TULP4: variants seen among roughly 807,000 people sequenced by gnomAD.
The protein encoded by TULP4 is TUB like protein 4.
A neutral mutation model predicts 129.0 loss-of-function variants in TULP4; 16 were observed. That is an observed-to-expected ratio of 0.12 (90% CI 0.08 to 0.19). The LOEUF (loss-of-function observed/expected upper bound fraction) is 0.19. Among genes scored for constraint, TULP4 ranks in the 10% least tolerant of loss-of-function variants. The pLI, the probability that TULP4 is intolerant of heterozygous loss-of-function variation, is 1.00. For synonymous variants in TULP4, 998 were observed against 854.0 expected (o/e 1.17, Z -2.94); for missense variants, 1,842 against 2,059.1 (o/e 0.89, Z 2.04).
intron 1 of TULP4, among the ~76,000 whole-genome samples, chr6:158,288,870 T>G (rs1247837258): frequency 6.6e-6 from 1 of 152,240 alleles, no homozygotes; most frequent in Non-Finnish European, 1.5e-5. Flanking sequence ...TTTACTCTTT[T>G]AGTATGATGA....
chr6:158,506,713 G>GA lies in TULP4; in HGVS notation c.*20dup, dbSNP rs1780612356. 1 of 1,523,558 alleles carries GA rather than the reference G, an allele frequency of 6.6e-7. No individual in the cohort carries two copies. The highest frequency in any genetic ancestry group is 1.4e-5 in the African/African-American group (1 of 73,174). 94.4% of individuals were successfully genotyped at this position (1,523,558 alleles called of 1,614,324 possible). On this transcript the variant is annotated 3_prime_UTR_variant, in exon 14 of 14. Transcript: ENST00000367097. ...CAAATGAAGAGACTGGTGTGGGGAG[G>GA]AGAGAGATGCAGAGAGCCTTTGGAA...
chr6:158,353,283 G>T (rs1159317076), intron 1 of TULP4, among the ~76,000 whole-genome samples: 1 of 152,186 alleles, frequency 6.6e-6, no homozygotes, highest in Non-Finnish European at 1.5e-5. Context: ...TAGTATTCCA[G>T]ATAGAATCCT....
chr6:158,495,306 A>G (rs1215073818), intron 11 of TULP4, among the ~76,000 whole-genome samples: 6 of 151,914 alleles, frequency 3.9e-5, no homozygotes, highest in African/African-American at 1.2e-4. Flanking sequence ...GCCCACCTCA[A>G]CCTTCCAAAG....
Position 158,449,062 on chromosome 6 carries a change from G to T in TULP4, c.610G>T (p.Val204Phe), listed in dbSNP as rs34360218. Residue 204 changes from valine (V) to phenylalanine (F), a missense_variant, in exon 4 of 14, where the codon GTC (valine) becomes TTC (phenylalanine). Transcript: ENST00000367097. ...TTGCCACGGCAGAATGCTGGCCCACGTCCTCTTGCACGAGTCAGACGGTGT... is the reference window on the plus strand; with the variant it reads ...TTGCCACGGCAGAATGCTGGCCCACTTCCTCTTGCACGAGTCAGACGGTGT... ...MDCHGRMLAH[V>F]LLHESDGVLG... 1 of 1,613,966 alleles carries T rather than the reference G, an allele frequency of 6.2e-7. No homozygotes were observed. The highest frequency in any genetic ancestry group is 8.5e-7 in the Non-Finnish European group (1 of 1,179,904).
intron 5 of TULP4, among the ~76,000 whole-genome samples, chr6:158,454,402 A>G (rs1312622164): frequency 6.6e-6 from 1 of 152,094 alleles, no homozygotes; most frequent in Non-Finnish European, 1.5e-5. Context: ...AAGTTTATTA[A>G]TTTTTTGAGA....
At chr6:158,377,781 AC>A (rs1477663156) in intron 1 of TULP4, among the ~76,000 whole-genome samples, 1 of 152,156 alleles carries the variant, frequency 6.6e-6, no homozygotes, top group African/African-American at 2.4e-5. Flanking sequence ...AGACTCAAGT[AC>A]TAGGAATATA....
chr6:158,303,885 C>G (rs1779170224), intron 1 of TULP4, among the ~76,000 whole-genome samples: 1 of 152,186 alleles, frequency 6.6e-6, no homozygotes, highest in African/African-American at 2.4e-5. Flanking sequence ...AATTTATCTC[C>G]AGTCTCTAAC....
At chr6:158,233,300 C>T (rs1216374204) in intron 1 of TULP4, among the ~76,000 whole-genome samples, 1 of 152,250 alleles carries the variant, frequency 6.6e-6, no homozygotes, top group Non-Finnish European at 1.5e-5. Flanking sequence ...GTCTCCCCCA[C>T]GCCCTTTTGT....
chr6:158,405,200 G>A (rs905593736), intron 1 of TULP4, among the ~76,000 whole-genome samples: 1 of 152,228 alleles, frequency 6.6e-6, no homozygotes, highest in Non-Finnish European at 1.5e-5. Flanking sequence ...AGACGTATGA[G>A]AAGATGGAAG....
chr6:158,301,131 A>G (rs1359022998), intron 1 of TULP4, among the ~76,000 whole-genome samples: 1 of 152,250 alleles, frequency 6.6e-6, no homozygotes, highest in Non-Finnish European at 1.5e-5. Flanking sequence ...AGCGGTTTCT[A>G]TATTTTTAGT....
chr6:158,408,653 G>A (rs561043244), intron 1 of TULP4, among the ~76,000 whole-genome samples: 5 of 152,138 alleles, frequency 3.3e-5, no homozygotes, highest in Non-Finnish European at 7.3e-5. Context: ...AGTGAATGAC[G>A]AGGCCCGGAG....
At chr6:158,310,038 A>C (rs912495014), upstream of TULP4, among the ~76,000 whole-genome samples, 1 of 152,206 alleles carries the variant, frequency 6.6e-6, no homozygotes, top group South Asian at 2.1e-4. Context: ...TGTCGGCCAA[A>C]TATCCCAGCT....
intron 1 of TULP4, chr6:158,237,542 C>T: frequency 1.3e-6 from 2 of 1,556,508 alleles, no homozygotes; most frequent in Non-Finnish European, 1.8e-6. Context: ...GCAGTTGCTC[C>T]CTGGGTCCCT....
At chr6:158,267,735 G>A (rs548881509) in intron 1 of TULP4, among the ~76,000 whole-genome samples, 5 of 152,180 alleles carry the variant, frequency 3.3e-5, no homozygotes, top group Non-Finnish European at 5.9e-5. Flanking sequence ...TGGATGTGGT[G>A]CAAGAAGGCC....
chr6:158,246,023 G>GGGGAGT, intron 1 of TULP4, among the ~76,000 whole-genome samples: 1 of 145,920 alleles, frequency 6.9e-6, no homozygotes, highest in South Asian at 2.2e-4. Context: ...ACCCCTTAGG[G>GGGGAGT]GTGTGTGTGT....
chr6:158,466,365 T>G (rs774782740), intron 6 of TULP4, among the ~76,000 whole-genome samples: 2 of 152,154 alleles, frequency 1.3e-5, no homozygotes, highest in Admixed American at 6.5e-5. Flanking sequence ...CTTGCCAACA[T>G]TGTCATTTTT....
chr6:158,467,747 C>G (rs1357818145), intron 6 of TULP4, among the ~76,000 whole-genome samples: 2 of 152,206 alleles, frequency 1.3e-5, no homozygotes, highest in Non-Finnish European at 2.9e-5. Flanking sequence ...TTAGCTCTTA[C>G]CACTCCATCC....
At chr6:158,453,759 A>T (rs1352360777) in intron 5 of TULP4, among the ~76,000 whole-genome samples, 2 of 142,112 alleles carry the variant, frequency 1.4e-5, no homozygotes, top group Non-Finnish European at 3.0e-5. Flanking sequence ...ACTGCACTCT[A>T]GCCTGGATGA....
intron 3 of TULP4, among the ~76,000 whole-genome samples, chr6:158,432,174 C>T (rs1419333701): frequency 6.6e-6 from 1 of 151,324 alleles, no homozygotes; most frequent in Non-Finnish European, 1.5e-5. Flanking sequence ...AAAAATTTAC[C>T]ACAGAGAACA....
Sources: allele counts gnomAD v4.1 joint callset (sites outside exome capture counted in the v4.1 genomes callset), GRCh38; gene constraint gnomAD v4.1.1; transcripts MANE v1.5; gene names NCBI Gene and HGNC (gene_info 2026-07-23, HGNC 2026-07-21).